Variants in FOXP1 observed in about 807,000 individuals in gnomAD.
FOXP1 encodes the protein forkhead box P1, also known as forkhead box protein P1.
Under a neutral mutation model 98.2 loss-of-function variants are expected in FOXP1, and 15 were observed. The ratio of observed to expected loss-of-function variants is 0.15; its 90% CI spans 0.10 to 0.24. The LOEUF (loss-of-function observed/expected upper bound fraction) is 0.24. FOXP1 is among the 10% of genes least tolerant of loss of function. The pLI is 1.00. For synonymous variants in FOXP1, 371 were observed against 314.5 expected, an observed-to-expected ratio of 1.18 and a Z score of -1.90; for missense variants, 633 against 848.5, an observed-to-expected ratio of 0.75 and a Z score of 3.15.
intron 6 of FOXP1, among the ~76,000 whole-genome samples, chr3:71,149,252 G>C (rs894720806): frequency 6.6e-6 from 1 of 152,190 alleles, no homozygotes; most frequent in Non-Finnish European, 1.5e-5. Context: ...CAAGTTATAA[G>C]TAATGAACAG....
chr3:71,222,304 GTC>G (rs915151634), intron 5 of FOXP1, among the ~76,000 whole-genome samples: 8 of 152,210 alleles, frequency 5.3e-5, no homozygotes, highest in Admixed American at 6.5e-5. Context: ...ACCAGAGGGT[GTC>G]TGTCACACCT....
At chr3:71,479,718 A>G (rs900216528) in intron 3 of FOXP1, among the ~76,000 whole-genome samples, 1 of 151,896 alleles carries the variant, frequency 6.6e-6, no homozygotes, top group Admixed American at 6.6e-5. Context: ...AGAAAAAAAA[A>G]GATAAAGCAA....
intron 3 of FOXP1, among the ~76,000 whole-genome samples, chr3:71,454,664 G>A (rs1218821601): frequency 1.3e-5 from 2 of 152,112 alleles, no homozygotes; most frequent in Non-Finnish European, 2.9e-5. Context: ...GAGGAGGACT[G>A]TGCTCTAGAA....
At chr3:71,101,526 G>A (rs755936847) in intron 7 of FOXP1, among the ~76,000 whole-genome samples, 9 of 152,032 alleles carry the variant, frequency 5.9e-5, no homozygotes, top group Non-Finnish European at 8.8e-5. Flanking sequence ...AAAAAAACAA[G>A]TTAGCCCATG....
intron 7 of FOXP1, among the ~76,000 whole-genome samples, chr3:71,106,901 G>A (rs2057485802): frequency 6.6e-6 from 1 of 151,462 alleles, no homozygotes; most frequent in Non-Finnish European, 1.5e-5. Context: ...AGCCATCAGA[G>A]TAGCTGGGAC....
In FOXP1 at chr3:71,213,295, T is replaced by A. The variant is rs533677942; in HGVS notation, c.-11-14903A>T. On this transcript the variant is annotated intron_variant, in intron 5 of 20. Transcript: ENST00000649528. ...CTAAGGCAAGCCCTTCAGTAAAGGA[T>A]TCAGGACAAACTACAGGCATCTGCC... Among the ~76,000 whole-genome samples the A allele has an allele frequency of 2.6e-5, 4 of 152,350 alleles. No individual in the cohort carries two copies. The East Asian group carries it at 7.7e-4, about 29-fold the overall frequency.
intron 7 of FOXP1, chr3:71,064,917 C>G (rs1169692527): frequency 2.0e-6 from 1 of 510,296 alleles, no homozygotes; most frequent in Admixed American, 6.6e-5. Context: ...GGCGTGCAGG[C>G]GGACTGCACG....
At chr3:71,127,698 C>T (rs1010003769) in intron 6 of FOXP1, among the ~76,000 whole-genome samples, 4 of 152,158 alleles carry the variant, frequency 2.6e-5, no homozygotes, top group South Asian at 2.1e-4. Flanking sequence ...CAGACACACC[C>T]GGAAATTGTA....
intron 7 of FOXP1, among the ~76,000 whole-genome samples, chr3:71,095,081 G>C (rs1353922877): frequency 1.3e-5 from 2 of 152,234 alleles, no homozygotes; most frequent in Non-Finnish European, 1.5e-5. Context: ...TCCAAAGCCA[G>C]CCTTAGAAAT....
At chr3:70,969,914 TATGAACTC>T (rs1283812660) in intron 19 of FOXP1, 1 of 152,254 alleles carries the variant, frequency 6.6e-6, no homozygotes, top group Admixed American at 6.5e-5. Flanking sequence ...ACTGCTTACT[TATGAACTC>T]TTGAGGGGGG....
At position 71,319,959 on chromosome 3, in the gene FOXP1, T is replaced by A. The variant is rs1160182989; in HGVS notation, c.-72-20079A>T. On this transcript the variant is annotated intron_variant, in intron 4 of 20. Coordinates refer to ENST00000649528, the MANE Select transcript of FOXP1 (RefSeq NM_001349338.3). ...TCCAACAATGACATCCACTCCATTC[T>A]CTTTCCTTCACCCTGACCAACACTT... Among the ~76,000 whole-genome samples the A allele has an allele frequency of 2.0e-5, 3 of 152,210 alleles. No individual in the cohort carries two copies. The East Asian group carries it at 5.8e-4, about 29-fold the overall frequency.
chr3:71,267,104 C>T lies in FOXP1; in HGVS notation c.-12+32716G>A, dbSNP rs141118555. 2.5e-4 allele frequency among the ~76,000 whole-genome samples: 35 copies of T among 138,494 alleles called. No homozygotes were observed. In the East Asian group the frequency reaches 3.9e-3, roughly 15 times the overall value. 90.9% of individuals were successfully genotyped at this position (138,494 alleles called of 152,430 possible). ...AATCCTGTGAGTCACATTATTATCA[C>T]GCTGCATTTTATGGGAGAGAGTGTG... On this transcript the variant is annotated intron_variant, in intron 5 of 20. Coordinates refer to ENST00000649528, the MANE Select transcript of FOXP1 (RefSeq NM_001349338.3).
intron 5 of FOXP1, among the ~76,000 whole-genome samples, chr3:71,206,599 G>A (rs2064053046): frequency 1.2e-5 from 1 of 82,074 alleles, no homozygotes; most frequent in Non-Finnish European, 2.6e-5. Flanking sequence ...GTGAAGACAG[G>A]AGACTTCATA....
chr3:71,244,171 C>T (rs1383793041), intron 5 of FOXP1, among the ~76,000 whole-genome samples: 1 of 152,182 alleles, frequency 6.6e-6, no homozygotes, highest in East Asian at 1.9e-4. Context: ...ATAAAATGTA[C>T]ACATCAGTGT....
intron 3 of FOXP1, among the ~76,000 whole-genome samples, chr3:71,466,482 A>T (rs1315665924): frequency 6.6e-6 from 1 of 152,248 alleles, no homozygotes; most frequent in Non-Finnish European, 1.5e-5. Context: ...GAAGCTATTT[A>T]ATCAAACAGA....
At chr3:71,510,746 T>C (rs2042147749) in intron 2 of FOXP1, among the ~76,000 whole-genome samples, 3 of 152,152 alleles carry the variant, frequency 2.0e-5, no homozygotes, top group South Asian at 4.1e-4. Context: ...ATATTTACAT[T>C]TGTAAAAAGT....
intron 5 of FOXP1, among the ~76,000 whole-genome samples, chr3:71,258,532 C>A (rs973945007): frequency 6.6e-5 from 10 of 152,120 alleles, no homozygotes; most frequent in Admixed American, 6.5e-4. Context: ...GCTGGAGGAA[C>A]TTCTAGAAGA....
intron 2 of FOXP1, among the ~76,000 whole-genome samples, chr3:71,514,233 A>C (rs1427521359): frequency 6.6e-6 from 1 of 152,120 alleles, no homozygotes; most frequent in Admixed American, 6.5e-5. Flanking sequence ...TCTTTGATTA[A>C]CTGTTCCCTC....
At chr3:71,418,563 C>T (rs1056096509) in intron 3 of FOXP1, among the ~76,000 whole-genome samples, 7 of 152,076 alleles carry the variant, frequency 4.6e-5, no homozygotes, top group African/African-American at 1.4e-4. Flanking sequence ...GTGTTAAAAG[C>T]GGTGTATTTT....
Sources: gnomAD v4.1 joint callset for allele counts (sites outside exome capture counted in the v4.1 genomes callset) on GRCh38, gnomAD v4.1.1 for gene constraint, MANE v1.5 for transcripts, NCBI Gene and HGNC (gene_info 2026-07-23, HGNC 2026-07-21) for gene names.